The following LATS1 variants were observed in gnomAD, a reference collection of about 807,000 sequenced individuals.
LATS1 encodes the protein large tumor suppressor kinase 1.
A neutral mutation model predicts 106.6 loss-of-function variants in LATS1; 25 were observed. The observed-to-expected ratio is 0.23, with a 90% CI of 0.17 to 0.33. The LOEUF is 0.33. Among genes scored for constraint, LATS1 ranks in the 10% least tolerant of loss-of-function variants. The probability of loss-of-function intolerance (pLI) is 1.00; values close to 1 mark genes in which losing one functional copy is unlikely to be tolerated. For synonymous variants in LATS1, 465 were observed against 455.6 expected (o/e 1.02, Z -0.26); for missense variants, 1,040 against 1,382.6 (o/e 0.75, Z 3.93).
At chr6:149,679,817 A>G (rs1781938696) in intron 5 of LATS1, 58 bp downstream of exon 5, 2 of 1,216,796 alleles carry the variant, frequency 1.6e-6, no homozygotes, top group African/African-American at 1.5e-5. Flanking sequence ...ATATTTTACT[A>G]CATCAATAAA....
In LATS1 at chr6:149,684,060, C is replaced by G. The variant is rs1453817312; in HGVS notation, c.1029G>C (p.Gly343=). ...CAGTACCATTCTGCATTCCAGGTCT[C>G]CCTGATGGAAAGTTAAATTTGCTAG... The part of the protein sequence containing the change: ...QSSSKFNFPS[G]RPGMQNGTGQ... The change falls in exon 4 of 8, where the codon GGG becomes GGC. Residue 343 remains glycine (G), a synonymous_variant. Transcript: ENST00000543571. 5.6e-6 allele frequency: 9 copies of G among 1,614,074 alleles called. No individual in the cohort carries two copies. Among genetic ancestry groups the G allele is most frequent in the Non-Finnish European group, 7.6e-6 (9 of 1,180,030 alleles).
intron 1 of LATS1, among the ~76,000 whole-genome samples, chr6:149,710,875 T>C (rs1240857236): frequency 2.0e-5 from 3 of 152,128 alleles, no homozygotes; most frequent in African/African-American, 4.8e-5. Context: ...AAGAAGGAAG[T>C]AGTAGATTTG....
intron 4 of LATS1, among the ~76,000 whole-genome samples, chr6:149,681,869 C>CT (rs1782048709): frequency 6.6e-6 from 1 of 152,098 alleles, no homozygotes; most frequent in Non-Finnish European, 1.5e-5. Flanking sequence ...AATCCCAGTG[C>CT]TTTGGGAGGC....
intron 6 of LATS1, 48 bp from the exon 7 acceptor site, chr6:149,676,414 CAAT>C: frequency 7.0e-7 from 1 of 1,418,714 alleles, no homozygotes; most frequent in South Asian, 1.2e-5. Flanking sequence ...GCTCAGAATA[CAAT>C]AAAAATTAAC....
intron 3 of LATS1, among the ~76,000 whole-genome samples, chr6:149,692,912 G>T (rs1246340252): frequency 6.6e-6 from 1 of 151,822 alleles, no homozygotes; most frequent in Non-Finnish European, 1.5e-5. Context: ...GACCTCAGGT[G>T]ATCTGCCCGC....
intron 7 of LATS1, chr6:149,675,861 G>T: frequency 6.1e-6 from 1 of 164,912 alleles, no homozygotes; most frequent in Admixed American, 6.0e-5. Flanking sequence ...CTGGCCTAAA[G>T]ACCTTTTTGA....
At chr6:149,671,192 G>A (rs186320102) in intron 7 of LATS1, among the ~76,000 whole-genome samples, 1 of 151,928 alleles carries the variant, frequency 6.6e-6, no homozygotes. Flanking sequence ...GGAGTGCAGT[G>A]GCATGATCTT....
Position 149,683,127 on chromosome 6 carries a change from A to G in LATS1, c.1962T>C (p.His654=). The part of the protein sequence containing the change: ...EQHVENVLKS[H]QQRLHRKKQL... ...GTTTTTTACGATGTAGACGCTGCTG[A>G]TGAGATTTGAGTACATTTTCTACAT... The change falls in exon 4 of 8, where the codon CAT becomes CAC. Residue 654 remains histidine (H), a synonymous_variant. Coordinates refer to ENST00000543571, the MANE Select transcript of LATS1 (RefSeq NM_004690.4). 6.2e-7 allele frequency: 1 copy of G among 1,613,480 alleles called. No individual in the cohort carries two copies. Among genetic ancestry groups the G allele is most frequent in the Non-Finnish European group, 8.5e-7 (1 of 1,179,656 alleles).
intron 7 of LATS1, among the ~76,000 whole-genome samples, chr6:149,673,374 C>T (rs955877883): frequency 1.3e-5 from 2 of 151,874 alleles, no homozygotes; most frequent in African/African-American, 4.8e-5. Context: ...GCTAGGATTA[C>T]AGGCATGAGC....
chr6:149,704,853 AT>A (rs1430810935), intron 1 of LATS1, among the ~76,000 whole-genome samples: 2 of 148,634 alleles, frequency 1.3e-5, no homozygotes, highest in African/African-American at 5.0e-5. Context: ...CCCATTTTTA[AT>A]TTTTTAAAAT....
chr6:149,691,768 C>T (rs1244282175), intron 3 of LATS1, among the ~76,000 whole-genome samples: 2 of 152,138 alleles, frequency 1.3e-5, no homozygotes, highest in African/African-American at 4.8e-5. Flanking sequence ...ATCCCCACCT[C>T]CCTACTTGAC....
intron 3 of LATS1, among the ~76,000 whole-genome samples, chr6:149,693,611 A>AAAACAAAC (rs71554447): frequency 4.6e-4 from 69 of 150,898 alleles, no homozygotes; most frequent in Admixed American, 1.1e-3. Context: ...CTCCATCTCA[A>AAAACAAAC]AAACAAACAA....
In LATS1 at chr6:149,660,676, TCTA is replaced by T; in HGVS notation, c.*1050_*1052del. On this transcript the variant is annotated 3_prime_UTR_variant, in exon 8 of 8. Transcript: ENST00000543571. The stretch of plus-strand genomic sequence containing the variant: ...AAATAAATTAGGAGGACTTGAATTT[TCTA>T]CTAAGACCACTCTGTAAACTTTCCT... 4.3e-6 allele frequency: 1 copy of T among 230,850 alleles called. No homozygotes were observed. The highest frequency in any genetic ancestry group is 8.6e-6 in the Non-Finnish European group (1 of 116,604). The allele number at this position is 230,850 out of a possible 1,614,324, so 14.3% of individuals were successfully genotyped here.
chr6:149,688,507 A>G (rs150098729), intron 3 of LATS1, among the ~76,000 whole-genome samples: 2,322 of 151,542 alleles, frequency 0.015, 69 homozygotes, highest in African/African-American at 0.053. Context: ...ATGGGGTTTC[A>G]CTATGCTGGC....
At chr6:149,694,954 G>A in intron 3 of LATS1, 120 bp downstream of exon 3, 1 of 805,596 alleles carries the variant, frequency 1.2e-6, no homozygotes, top group South Asian at 2.2e-5. Context: ...ATCTTAATTT[G>A]AGACTTTCAT....
chr6:149,677,936 C>G (rs952999667), intron 5 of LATS1, among the ~76,000 whole-genome samples: 2 of 151,302 alleles, frequency 1.3e-5, no homozygotes, highest in Non-Finnish European at 1.5e-5. Context: ...AGGAGAATCG[C>G]TTGAGCCCAG....
intron 1 of LATS1, 59 bp from the exon 2 acceptor site, chr6:149,702,325 T>C (rs1006323446): frequency 4.2e-6 from 2 of 481,556 alleles, no homozygotes; most frequent in African/African-American, 1.9e-5. Flanking sequence ...GTACCATGTA[T>C]TAGAGGAAAA....
chr6:149,699,955 T>C (rs559242751), intron 2 of LATS1, among the ~76,000 whole-genome samples: 2 of 152,302 alleles, frequency 1.3e-5, no homozygotes, highest in South Asian at 4.1e-4. Flanking sequence ...TAATTATACT[T>C]TGCCTTTTGG....
chr6:149,671,307 T>C (rs1426329564), intron 7 of LATS1, among the ~76,000 whole-genome samples: 1 of 151,934 alleles, frequency 6.6e-6, no homozygotes, highest in Non-Finnish European at 1.5e-5. Context: ...CTAATTTTTG[T>C]AGTTTTAGCA....
Sources: gnomAD v4.1 joint callset for allele counts (sites outside exome capture counted in the v4.1 genomes callset) on GRCh38, gnomAD v4.1.1 for gene constraint, MANE v1.5 for transcripts, NCBI Gene and HGNC (gene_info 2026-07-23, HGNC 2026-07-21) for gene names.